Variants in PARVG observed in about 807,000 individuals in gnomAD.
PARVG encodes the protein parvin gamma.
PARVG carries 36 observed loss-of-function variants against 44.4 expected under a neutral mutation model. The ratio of observed to expected loss-of-function variants is 0.81; its 90% CI spans 0.62 to 1.07. PARVG has a LOEUF of 1.07. Among genes scored for constraint, PARVG ranks in the 50% least tolerant of loss-of-function variants. PARVG has a pLI of 0.00. For synonymous variants in PARVG, 170 were observed against 174.1 expected (o/e 0.98, Z 0.19); for missense variants, 407 against 407.4 (o/e 1.00, Z 0.01).
At chr22:44,191,267 G>A (rs566416941) in intron 7 of PARVG, among the ~76,000 whole-genome samples, 3 of 151,476 alleles carry the variant, frequency 2.0e-5, no homozygotes, top group Non-Finnish European at 4.4e-5. Context: ...TCTCATGACC[G>A]CCCCCACCCC....
chr22:44,182,980 G>T lies in PARVG; in HGVS notation c.-12-338G>T. The T allele has an allele frequency of 3.1e-6, 1 of 324,750 alleles. No individual in the cohort carries two copies. The highest frequency in any genetic ancestry group is 5.7e-6 in the Non-Finnish European group (1 of 176,522). The allele number at this position is 324,750 out of a possible 1,614,324, so 20.1% of individuals were successfully genotyped here. On this transcript the variant is annotated intron_variant, in intron 2 of 13. Coordinates refer to ENST00000444313, the MANE Select transcript of PARVG (RefSeq NM_022141.7). The surrounding 1 kb of genome is among the most constrained non-coding windows in gnomAD (Gnocchi z 4.6). ...TACCTACTTTGTCCTGTCTGGGATA[G>T]GGTGGGGGGTCCCTGGGTAGGGGGC...
chr22:44,182,514 G>A lies in PARVG; in HGVS notation c.-13+597G>A, dbSNP rs1297620785. Among the ~76,000 whole-genome samples the A allele has an allele frequency of 2.0e-5, 3 of 152,092 alleles. No homozygotes were observed. Among genetic ancestry groups the A allele is most frequent in the Non-Finnish European group, 4.4e-5 (3 of 67,986 alleles). The stretch of plus-strand genomic sequence containing the variant: ...TGGTGTGACATGGGTGGCTCCAGTC[G>A]AGTGAATGCCTCCGTCTCCCACAGC... On this transcript the variant is annotated intron_variant, in intron 2 of 13. Coordinates refer to ENST00000444313, the MANE Select transcript of PARVG (RefSeq NM_022141.7). The surrounding 1 kb of genome is among the most constrained non-coding windows in gnomAD (Gnocchi z 4.6).
intron 3 of PARVG, 107 bp from the exon 4 acceptor site, chr22:44,185,701 C>A: frequency 1.1e-6 from 1 of 907,044 alleles, no homozygotes; most frequent in Non-Finnish European, 1.7e-6. Flanking sequence ...GTGGCAGGAC[C>A]GGTGCCCCTG....
chr22:44,206,264 C>G (rs1044039203), intron 13 of PARVG, 53 bp from the exon 14 acceptor site: 6 of 1,304,726 alleles, frequency 4.6e-6, no homozygotes, highest in East Asian at 4.6e-5. Flanking sequence ...TCGGGACAGT[C>G]GGTCACTGCC....
intron 4 of PARVG, chr22:44,186,290 G>A (rs932657100): frequency 2.1e-5 from 7 of 328,048 alleles, no homozygotes; most frequent in Non-Finnish European, 4.3e-5. Flanking sequence ...CAAGGTGTAG[G>A]AGAACTGGTG....
chr22:44,201,090 G>C (rs1464681320), intron 12 of PARVG, among the ~76,000 whole-genome samples: 1 of 152,084 alleles, frequency 6.6e-6, no homozygotes, highest in East Asian at 1.9e-4. Context: ...CATCCACGCA[G>C]GCTGTGCTCT....
intron 9 of PARVG, among the ~76,000 whole-genome samples, chr22:44,194,414 T>G (rs2147231651): frequency 6.6e-6 from 1 of 152,282 alleles, no homozygotes; most frequent in East Asian, 1.9e-4. Flanking sequence ...TTCCCATCCA[T>G]TAATCTATTT....
chr22:44,185,725 GA>G (rs1601730577), intron 3 of PARVG, 82 bp from the exon 4 acceptor site: 1 of 1,280,240 alleles, frequency 7.8e-7, no homozygotes, highest in East Asian at 2.5e-5. Flanking sequence ...CTGCGGTGCT[GA>G]AATCTGTGGG....
At chr22:44,191,855 C>G (rs2054552884) in intron 7 of PARVG, among the ~76,000 whole-genome samples, 194 bp from the exon 8 acceptor site, 1 of 152,200 alleles carries the variant, frequency 6.6e-6, no homozygotes, top group Non-Finnish European at 1.5e-5. Flanking sequence ...GCCCTCCTCC[C>G]ACTGTGAGAC....
At chr22:44,192,580 G>A (rs995727519) in intron 8 of PARVG, among the ~76,000 whole-genome samples, 17 of 151,738 alleles carry the variant, frequency 1.1e-4, no homozygotes, top group South Asian at 2.1e-4. Flanking sequence ...CCTGCTCCCT[G>A]CCCACTGGGG....
chr22:44,198,925 C>CCCACCCAT (rs1569186384), intron 12 of PARVG, among the ~76,000 whole-genome samples: 1 of 46,246 alleles, frequency 2.2e-5, no homozygotes, highest in Non-Finnish European at 5.3e-5. Context: ...CATCCATCTA[C>CCCACCCAT]CCATCCATCC....
intron 12 of PARVG, among the ~76,000 whole-genome samples, chr22:44,203,210 G>C (rs532350898): frequency 6.6e-6 from 1 of 152,314 alleles, no homozygotes; most frequent in South Asian, 2.1e-4. Context: ...GGTCTGGTCT[G>C]TTTTGAGCAC....
At chr22:44,187,519 C>T in intron 4 of PARVG, 1 of 555,294 alleles carries the variant, frequency 1.8e-6, no homozygotes. Context: ...CTTCCTGGTA[C>T]TAAAACCTCA....
chr22:44,180,360 A>G (rs1221025332), upstream of PARVG, among the ~76,000 whole-genome samples: 1 of 152,190 alleles, frequency 6.6e-6, no homozygotes. Context: ...TTTATTAAAC[A>G]GTCTTCAGTT....
chr22:44,201,753 A>G (rs902347519), intron 12 of PARVG, among the ~76,000 whole-genome samples: 25 of 152,202 alleles, frequency 1.6e-4, no homozygotes, highest in Non-Finnish European at 1.8e-4. Context: ...AGGCTCAGCT[A>G]GGCTTTGTCA....
chr22:44,185,678 C>T lies in PARVG; in HGVS notation c.80-130C>T, dbSNP rs2054454525. 7 of 692,278 alleles carry T rather than the reference C, an allele frequency of 1.0e-5. 1 individual carries two copies. The South Asian group carries it at 1.0e-4, about 10-fold the overall frequency. The allele number at this position is 692,278 out of a possible 1,614,324, so 42.9% of individuals were successfully genotyped here. ...TTCGTGAGGGAAATGAGGGAAAGCA[C>T]GCTGGGGCGGAAGTGGCAGGACCGG... is the stretch of plus-strand genomic sequence containing the variant. On this transcript the variant is annotated intron_variant, in intron 3 of 13. Transcript: ENST00000444313.
Position 44,183,927 on chromosome 22 carries a change from G to A in PARVG, c.79+519G>A, listed in dbSNP as rs139270489. On this transcript the variant is annotated intron_variant, in intron 3 of 13. Transcript: ENST00000444313. ...CTTTGCAGGGTGTGGGGCTCCTGACGTGCTCCCCTCACACGTGTGGGTCCC... is the reference window on the plus strand; with the variant it reads ...CTTTGCAGGGTGTGGGGCTCCTGACATGCTCCCCTCACACGTGTGGGTCCC... 160 of 295,156 alleles carry A rather than the reference G, an allele frequency of 5.4e-4. 2 individuals carry two copies. Among genetic ancestry groups the A allele is most frequent in the African/African-American group, 2.9e-3 (136 of 46,230 alleles). The allele number at this position is 295,156 out of a possible 1,614,324, so 18.3% of individuals were successfully genotyped here.
chr22:44,192,015 A>G (rs778776301), intron 7 of PARVG, 34 bp from the exon 8 acceptor site: 4 of 1,611,432 alleles, frequency 2.5e-6, no homozygotes, highest in Non-Finnish European at 3.4e-6. Context: ...AGTTTTCTGG[A>G]TTATTTAATT....
intron 12 of PARVG, among the ~76,000 whole-genome samples, chr22:44,204,766 A>G (rs1255197649): frequency 6.6e-6 from 1 of 152,236 alleles, no homozygotes; most frequent in African/African-American, 2.4e-5. Context: ...TAGTGGATCT[A>G]CGGGTGGCTA....
Sources: gnomAD v4.1 joint callset for allele counts (sites outside exome capture counted in the v4.1 genomes callset) on GRCh38, gnomAD v4.1.1 for gene constraint, Gnocchi (gnomAD v3.1) non-coding constraint, MANE v1.5 for transcripts, NCBI Gene and HGNC (gene_info 2026-07-23, HGNC 2026-07-21) for gene names.